Variants in NBPF3 observed in about 807,000 individuals in gnomAD.
NBPF3 encodes NBPF member 3.
A neutral mutation model predicts 78.1 loss-of-function variants in NBPF3; 57 were observed. The ratio of observed to expected loss-of-function variants is 0.73; its 90% CI spans 0.59 to 0.91. NBPF3 has a LOEUF of 0.91. Among genes scored for constraint, NBPF3 ranks in the 40% least tolerant of loss-of-function variants. The pLI, the probability that NBPF3 is intolerant of heterozygous loss-of-function variation, is 0.00. For synonymous variants in NBPF3, 182 were observed against 271.7 expected (o/e 0.67, Z 3.25); for missense variants, 510 against 715.3 (o/e 0.71, Z 3.27).
At chr1:21,481,393 TC>T (rs1643219044) in intron 12 of NBPF3, among the ~76,000 whole-genome samples, 1 of 19,140 alleles carries the variant, frequency 5.2e-5, no homozygotes, top group Admixed American at 1.1e-3. Flanking sequence ...TCTGCCTCTG[TC>T]TCTCTGTCTC....
chr1:21,449,012 A>G (rs185121061), intron 2 of NBPF3, among the ~76,000 whole-genome samples: 308 of 152,342 alleles, frequency 2.0e-3, no homozygotes, highest in Non-Finnish European at 3.4e-3. Flanking sequence ...GTACAACTCA[A>G]TGACTTAAGG....
chr1:21,480,269 A>C (rs1191384132), intron 11 of NBPF3, 46 bp downstream of exon 11: 1 of 907,106 alleles, frequency 1.1e-6, no homozygotes, highest in South Asian at 1.4e-5. Flanking sequence ...CTGGTCCTCC[A>C]GATATGGGTG....
intron 2 of NBPF3, among the ~76,000 whole-genome samples, chr1:21,466,500 A>T (rs865947326): frequency 1.1e-3 from 167 of 148,262 alleles, no homozygotes; most frequent in African/African-American, 4.2e-3. Context: ...TAGAAGAGTG[A>T]ATTAAACACA....
Position 21,474,985 on chromosome 1 carries a change from T to C in NBPF3, c.992+34T>C, listed in dbSNP as rs1165312559. The C allele has an allele frequency of 1.9e-6, 3 of 1,569,796 alleles. No homozygotes were observed. The African/African-American group carries it at 4.1e-5, about 21-fold the overall frequency. ...ATGGAATTGTGGGCTGTTAATTCAATAGTGGCAGCTGGAGTTTGTAGATTT... is the reference window on the plus strand; with the variant it reads ...ATGGAATTGTGGGCTGTTAATTCAACAGTGGCAGCTGGAGTTTGTAGATTT... On this transcript the variant is annotated intron_variant, in intron 8 of 14. Transcript: ENST00000318249.
In NBPF3 at chr1:21,472,741, A is replaced by G. The variant is rs1642666726; in HGVS notation, c.662-102A>G. On this transcript the variant is annotated intron_variant, in intron 5 of 14. Transcript: ENST00000318249. ...AAAACATGAGAGCTTTCAGCTGAAC[A>G]GTGACCATGCCTAGATGTTCATGTC... 5.8e-6 allele frequency: 5 copies of G among 860,488 alleles called. No individual in the cohort carries two copies. In the South Asian group the frequency reaches 6.7e-5, roughly 11 times the overall value. The allele number at this position is 860,488 out of a possible 1,614,324, so 53.3% of individuals were successfully genotyped here.
chr1:21,465,739 A>G (rs1642225095), intron 2 of NBPF3, among the ~76,000 whole-genome samples: 1 of 152,246 alleles, frequency 6.6e-6, no homozygotes, highest in Admixed American at 6.5e-5. Context: ...GCACAGGAAG[A>G]TGGCCAATCT....
At chr1:21,451,963 CAGGG>C (rs1641334938) in intron 2 of NBPF3, 1 of 431,922 alleles carries the variant, frequency 2.3e-6, no homozygotes, top group Non-Finnish European at 3.1e-6. Flanking sequence ...GTAGTTTTTC[CAGGG>C]CAGAGATGGG....
chr1:21,447,255 A>G (rs1163674758), intron 2 of NBPF3, among the ~76,000 whole-genome samples: 1 of 152,204 alleles, frequency 6.6e-6, no homozygotes, highest in Non-Finnish European at 1.5e-5. Context: ...ACCACTGTTG[A>G]TACATCATTA....
chr1:21,482,859 C>CA (rs201894354), intron 14 of NBPF3, among the ~76,000 whole-genome samples: 1,401 of 50,362 alleles, frequency 0.028, 69 homozygotes, highest in African/African-American at 0.082. Context: ...GGCACTAACT[C>CA]ACAGTGTCCT....
chr1:21,467,796 C>T (rs1307812101), intron 2 of NBPF3, among the ~76,000 whole-genome samples: 3 of 152,070 alleles, frequency 2.0e-5, no homozygotes, highest in Admixed American at 1.3e-4. Flanking sequence ...CCATAAGTGA[C>T]GAGTATAAAA....
chr1:21,437,482 C>T (rs565917567), upstream of NBPF3: 4 of 1,461,862 alleles, frequency 2.7e-6, no homozygotes, highest in Non-Finnish European at 3.7e-6. Context: ...TCCACGAGGA[C>T]GCCCAGCGCG....
intron 2 of NBPF3, among the ~76,000 whole-genome samples, chr1:21,449,617 C>T (rs1337105849): frequency 2.0e-5 from 3 of 152,034 alleles, no homozygotes; most frequent in Non-Finnish European, 2.9e-5. Flanking sequence ...ATTACAGGCA[C>T]CTGCCACCAC....
chr1:21,471,860 A>G (rs1642617305), intron 5 of NBPF3, 77 bp downstream of exon 5: 12 of 1,563,526 alleles, frequency 7.7e-6, no homozygotes, highest in Non-Finnish European at 1.1e-5. Context: ...TTTCACAATG[A>G]CATTTGTATC....
intron 8 of NBPF3, among the ~76,000 whole-genome samples, chr1:21,475,571 G>T (rs1170658127): frequency 6.6e-6 from 1 of 152,202 alleles, no homozygotes; most frequent in Admixed American, 6.5e-5. Flanking sequence ...GTGCAGTTTT[G>T]AGTGAGTTTC....
At chr1:21,463,195 G>A (rs1009151187) in intron 2 of NBPF3, among the ~76,000 whole-genome samples, 4 of 152,166 alleles carry the variant, frequency 2.6e-5, no homozygotes, top group Non-Finnish European at 5.9e-5. Context: ...AATAGATGGA[G>A]GAAGTTTGCT....
intron 2 of NBPF3, among the ~76,000 whole-genome samples, chr1:21,451,049 G>A (rs1641280455): frequency 6.6e-6 from 1 of 152,172 alleles, no homozygotes; most frequent in Admixed American, 6.5e-5. Context: ...TGGGCTCCCT[G>A]CTCTGCATTT....
At chr1:21,479,816 C>CTGTG (rs1476158141) in intron 10 of NBPF3, among the ~76,000 whole-genome samples, 1 of 45,672 alleles carries the variant, frequency 2.2e-5, no homozygotes, top group African/African-American at 4.4e-5. Flanking sequence ...CTCTCTCTCT[C>CTGTG]TCTCTGTGTG....
At chr1:21,446,651 TTCTC>T (rs1479043576) in intron 2 of NBPF3, among the ~76,000 whole-genome samples, 6 of 151,310 alleles carry the variant, frequency 4.0e-5, no homozygotes, top group Non-Finnish European at 8.8e-5. Context: ...TTCCTTTTTG[TTCTC>T]TCTACTTTTT....
chr1:21,463,084 A>G (rs1198521256), intron 2 of NBPF3, among the ~76,000 whole-genome samples: 1 of 152,238 alleles, frequency 6.6e-6, no homozygotes, highest in Non-Finnish European at 1.5e-5. Context: ...GAGAGGACCT[A>G]GTTCATATTG....
Sources: gnomAD v4.1 joint callset for allele counts (sites outside exome capture counted in the v4.1 genomes callset) on GRCh38, gnomAD v4.1.1 for gene constraint, MANE v1.5 for transcripts, NCBI Gene and HGNC (gene_info 2026-07-23, HGNC 2026-07-21) for gene names.